Variants in EBF2 observed in about 807,000 individuals in gnomAD.
EBF2 encodes the protein EBF transcription factor 2.
EBF2 carries 21 observed loss-of-function variants against 72.8 expected under a neutral mutation model. The observed-to-expected ratio is 0.29, with a 90% confidence interval of 0.20 to 0.42. The LOEUF is 0.42. Among genes scored for constraint, EBF2 ranks in the 10% least tolerant of loss-of-function variants. EBF2 has a pLI of 1.00. For missense variants in EBF2, 637 were observed against 731.2 expected, an observed-to-expected ratio of 0.87 and a Z score of 1.49; for synonymous variants, 299 against 274.2, an observed-to-expected ratio of 1.09 and a Z score of -0.89.
intron 6 of EBF2, among the ~76,000 whole-genome samples, chr8:26,018,645 T>G (rs1158316325): frequency 1.3e-5 from 2 of 151,606 alleles, no homozygotes; most frequent in Admixed American, 1.3e-4. Context: ...CACTCCAGCC[T>G]GGGTGACTGA....
intron 10 of EBF2, among the ~76,000 whole-genome samples, chr8:25,863,165 A>G (rs1802241466): frequency 1.3e-5 from 2 of 152,098 alleles, no homozygotes; most frequent in South Asian, 2.1e-4. Context: ...TGCACTGTCT[A>G]TTCTTCTAAA....
intron 14 of EBF2, among the ~76,000 whole-genome samples, chr8:25,857,859 T>C (rs1802125608): frequency 6.6e-6 from 1 of 152,212 alleles, no homozygotes; most frequent in Non-Finnish European, 1.5e-5. Context: ...CCTAAATTAT[T>C]ACCCTGCTCT....
At chr8:26,010,293 A>G (rs1344697996) in intron 6 of EBF2, among the ~76,000 whole-genome samples, 1 of 152,206 alleles carries the variant, frequency 6.6e-6, no homozygotes, top group East Asian at 1.9e-4. Flanking sequence ...TGAGCTAAAG[A>G]CAGCTCCCTA....
intron 6 of EBF2, among the ~76,000 whole-genome samples, chr8:25,964,348 G>A (rs1021375017): frequency 1.3e-4 from 20 of 152,090 alleles, no homozygotes; most frequent in African/African-American, 2.4e-4. Context: ...CCAAGTATAC[G>A]TTTAGGATTG....
chr8:26,005,770 G>T (rs1214167348), intron 6 of EBF2, among the ~76,000 whole-genome samples: 1 of 147,608 alleles, frequency 6.8e-6, no homozygotes, highest in Non-Finnish European at 1.5e-5. Context: ...GGTGGCGGCT[G>T]CAGTGAGCCA....
At chr8:25,894,559 T>C (rs940360481) in intron 7 of EBF2, among the ~76,000 whole-genome samples, 1 of 152,090 alleles carries the variant, frequency 6.6e-6, no homozygotes, top group East Asian at 1.9e-4. Context: ...TCCTGTTCTC[T>C]CCCCCTTCTC....
At chr8:26,005,555 T>TAGAGAGAGAGAGAG (rs1489907148) in intron 6 of EBF2, among the ~76,000 whole-genome samples, 66 of 30,838 alleles carry the variant, frequency 2.1e-3, no homozygotes, top group Middle Eastern at 0.024. Flanking sequence ...TATATATATA[T>TAGAGAGAGAGAGAG]ATATATAGAG....
rs189356091 is a variant in EBF2, at chr8:25,941,485, C to T, written c.552-32930G>A. Among the ~76,000 whole-genome samples, 71 of 152,294 alleles carry T rather than the reference C, an allele frequency of 4.7e-4. 1 individual carries two copies. The highest frequency in any genetic ancestry group is 3.7e-3 in the Admixed American group (57 of 15,302). On this transcript the variant is annotated intron_variant, in intron 6 of 15. Coordinates refer to ENST00000520164, the MANE Select transcript of EBF2 (RefSeq NM_022659.4). ...CCTCCCAAAGCGCTGCGATTACAGG[C>T]GTGAGCCACTATGCCCAGCTGTGCT...
intron 6 of EBF2, among the ~76,000 whole-genome samples, chr8:25,978,930 G>A (rs1022783225): frequency 6.6e-6 from 1 of 152,134 alleles, no homozygotes; most frequent in Admixed American, 6.5e-5. Context: ...GGTGCGGGTT[G>A]GTTCACTCTG....
intron 6 of EBF2, among the ~76,000 whole-genome samples, chr8:25,938,525 T>C (rs1395737682): frequency 6.6e-6 from 1 of 152,064 alleles, no homozygotes; most frequent in African/African-American, 2.4e-5. Flanking sequence ...GAGAAATACA[T>C]CTGAAACAAT....
intron 7 of EBF2, among the ~76,000 whole-genome samples, chr8:25,900,237 C>T (rs1802929274): frequency 6.6e-6 from 1 of 152,202 alleles, no homozygotes; most frequent in South Asian, 2.1e-4. Flanking sequence ...GAGTGAATCA[C>T]TTGAGCCCAG....
intron 14 of EBF2, among the ~76,000 whole-genome samples, chr8:25,857,017 T>TC (rs1802108109): frequency 6.6e-6 from 1 of 152,120 alleles, no homozygotes; most frequent in Non-Finnish European, 1.5e-5. Context: ...CTGCAATAAT[T>TC]CCCCCAAACA....
At chr8:25,895,062 G>A (rs1802845863) in intron 7 of EBF2, among the ~76,000 whole-genome samples, 3 of 152,202 alleles carry the variant, frequency 2.0e-5, no homozygotes, top group Admixed American at 1.3e-4. Context: ...GAATACAGAT[G>A]TCCATAATTT....
intron 6 of EBF2, among the ~76,000 whole-genome samples, chr8:25,927,046 G>C: frequency 6.6e-6 from 1 of 152,142 alleles, no homozygotes; most frequent in East Asian, 1.9e-4. Context: ...TAATCTAGGT[G>C]TTACACTGAA....
chr8:26,021,956 G>A (rs1448067014), intron 6 of EBF2, among the ~76,000 whole-genome samples: 1 of 152,174 alleles, frequency 6.6e-6, no homozygotes, highest in Non-Finnish European at 1.5e-5. Context: ...TGAAGTGAGA[G>A]AATACTTTTT....
chr8:25,958,500 A>G (rs544048668), intron 6 of EBF2, among the ~76,000 whole-genome samples: 67 of 151,970 alleles, frequency 4.4e-4, no homozygotes, highest in African/African-American at 1.6e-3. Context: ...ACTTTATACA[A>G]CCTTATCACT....
In EBF2 at chr8:25,884,363, G is replaced by A. The variant is rs1436777808; in HGVS notation, c.1009+2392C>T. 3.9e-5 allele frequency among the ~76,000 whole-genome samples: 6 copies of A among 152,248 alleles called. No homozygotes were observed. In the East Asian group the frequency reaches 1.2e-3, roughly 30 times the overall value. On this transcript the variant is annotated intron_variant, in intron 10 of 15. Coordinates refer to ENST00000520164, the MANE Select transcript of EBF2 (RefSeq NM_022659.4). ...GAGCTCCTGCGATGGAGGAGGGAATGTGGATGGAGAGGAGAGGAGGATGGA... is the reference window on the plus strand; with the variant it reads ...GAGCTCCTGCGATGGAGGAGGGAATATGGATGGAGAGGAGAGGAGGATGGA...
chr8:25,963,289 TCTCCTCC>T (rs1475339844), intron 6 of EBF2, among the ~76,000 whole-genome samples: 2 of 152,162 alleles, frequency 1.3e-5, no homozygotes, highest in African/African-American at 4.8e-5. Context: ...ATCTCATTTT[TCTCCTCC>T]CTGATACCAG....
intron 6 of EBF2, among the ~76,000 whole-genome samples, chr8:25,997,634 A>C (rs1273606223): frequency 6.6e-6 from 1 of 152,026 alleles, no homozygotes; most frequent in Non-Finnish European, 1.5e-5. Flanking sequence ...GACATGGAGT[A>C]TAACAGAAAG....
Sources: allele counts gnomAD v4.1 joint callset (sites outside exome capture counted in the v4.1 genomes callset), GRCh38; gene constraint gnomAD v4.1.1; transcripts MANE v1.5; gene names NCBI Gene and HGNC (gene_info 2026-07-23, HGNC 2026-07-21).